Variants in ABI1 observed in about 807,000 individuals in gnomAD.
The protein encoded by ABI1 is abl interactor 1.
In ABI1, 14 loss-of-function variants were observed where a neutral mutation model predicts 54.6. That is an observed-to-expected ratio of 0.26 (90% CI 0.17 to 0.40). ABI1 has a LOEUF of 0.40. Among genes scored for constraint, ABI1 ranks in the 10% least tolerant of loss-of-function variants. The probability of loss-of-function intolerance (pLI) is 1.00; values close to 1 mark genes in which losing one functional copy is unlikely to be tolerated. For synonymous variants in ABI1, 194 were observed against 209.3 expected, an observed-to-expected ratio of 0.93 and a Z score of 0.63; for missense variants, 443 against 598.3, an observed-to-expected ratio of 0.74 and a Z score of 2.71.
At chr10:26,815,970 A>C (rs146955102) in intron 2 of ABI1, among the ~76,000 whole-genome samples, 205 of 152,326 alleles carry the variant, frequency 1.3e-3, no homozygotes, top group African/African-American at 4.5e-3. Context: ...AATCGCACAA[A>C]GCAGAAACTT....
chr10:26,823,308 GA>G lies in ABI1; in HGVS notation c.118-4del. 6.7e-7 allele frequency: 1 copy of G among 1,500,354 alleles called. No individual in the cohort carries two copies. 92.9% of individuals were successfully genotyped at this position (1,500,354 alleles called of 1,614,324 possible). On this transcript the variant is annotated splice_polypyrimidine_tract_variant and splice_region_variant and intron_variant, in intron 1 of 10. Transcript: ENST00000376140. ...AAAGCTTTTCTCTTGTCTGTAGCCT[GA>G]AATAAGAACAAAAACAACAAATACT...
chr10:26,765,438 T>C, intron 6 of ABI1, 120 bp from the exon 7 acceptor site: 1 of 738,606 alleles, frequency 1.4e-6, no homozygotes. Flanking sequence ...CTCAGTATCC[T>C]TGGAGGACTG....
At chr10:26,769,803 G>A (rs1413076261) in intron 5 of ABI1, among the ~76,000 whole-genome samples, 1 of 152,150 alleles carries the variant, frequency 6.6e-6, no homozygotes, top group African/African-American at 2.4e-5. Context: ...CTAAAGTAAA[G>A]AGTCCCTAAG....
intron 3 of ABI1, among the ~76,000 whole-genome samples, chr10:26,772,638 T>C (rs1408729011): frequency 6.6e-6 from 1 of 152,218 alleles, no homozygotes; most frequent in Admixed American, 6.5e-5. Context: ...TGCAGATGTG[T>C]CAATGTTGGC....
At chr10:26,805,823 A>G (rs1564522334) in intron 2 of ABI1, among the ~76,000 whole-genome samples, 1 of 152,224 alleles carries the variant, frequency 6.6e-6, no homozygotes. Flanking sequence ...CCCAGCAGAT[A>G]CAAGAAGCAG....
chr10:26,774,344 T>C (rs578217920), intron 3 of ABI1, among the ~76,000 whole-genome samples: 135 of 152,196 alleles, frequency 8.9e-4, no homozygotes, highest in Non-Finnish European at 1.8e-3. Context: ...ATATGAAAAG[T>C]CCTTTGTAAA....
intron 2 of ABI1, among the ~76,000 whole-genome samples, chr10:26,811,544 G>A (rs2047227488): frequency 6.6e-6 from 1 of 152,054 alleles, no homozygotes; most frequent in Admixed American, 6.6e-5. Flanking sequence ...GTTTTGGTTA[G>A]GTATCAGTCT....
chr10:26,817,778 A>T (rs1364567809), intron 2 of ABI1, among the ~76,000 whole-genome samples: 4 of 152,212 alleles, frequency 2.6e-5, no homozygotes, highest in Non-Finnish European at 5.9e-5. Flanking sequence ...ACAAAAGCTG[A>T]AAGAACTCAT....
At chr10:26,794,479 G>C (rs1246090232) in intron 2 of ABI1, among the ~76,000 whole-genome samples, 2 of 151,836 alleles carry the variant, frequency 1.3e-5, no homozygotes, top group Non-Finnish European at 2.9e-5. Flanking sequence ...ACTAAGAGTT[G>C]AGTTCAGGAA....
At chr10:26,759,318 GGGGCCTCA>G (rs1403683937) in intron 7 of ABI1, 80 bp from the exon 8 acceptor site, 1 of 1,179,300 alleles carries the variant, frequency 8.5e-7, no homozygotes, top group African/African-American at 1.5e-5. Context: ...AAAGCAGGAG[GGGGCCTCA>G]GTAAGAAATA....
Position 26,819,168 on chromosome 10 carries a change from A to G in ABI1, c.285+3970T>C, listed in dbSNP as rs544784208. On this transcript the variant is annotated intron_variant, in intron 2 of 10. Coordinates refer to ENST00000376140, the MANE Select transcript of ABI1 (RefSeq NM_001012750.3). ...GCCCTAAGGCAAACATGAATGAAAT[A>G]ATAAAAGAGAGAAGCAGAACAAAGT... 2.0e-5 allele frequency among the ~76,000 whole-genome samples: 3 copies of G among 152,326 alleles called. No individual in the cohort carries two copies. The South Asian group carries it at 6.2e-4, about 32-fold the overall frequency.
chr10:26,781,654 C>A (rs1842123878), intron 2 of ABI1, among the ~76,000 whole-genome samples: 1 of 152,222 alleles, frequency 6.6e-6, no homozygotes, highest in Non-Finnish European at 1.5e-5. Flanking sequence ...TACTGACTAT[C>A]AGGCTATTAC....
At chr10:26,831,316 G>A (rs2048656994) in intron 1 of ABI1, among the ~76,000 whole-genome samples, 1 of 152,130 alleles carries the variant, frequency 6.6e-6, no homozygotes, top group Non-Finnish European at 1.5e-5. Flanking sequence ...GCCCAGGCAG[G>A]TGGATGGCTT....
At chr10:26,800,540 G>A (rs567005162) in intron 2 of ABI1, among the ~76,000 whole-genome samples, 277 of 152,306 alleles carry the variant, frequency 1.8e-3, no homozygotes, top group African/African-American at 6.5e-3. Flanking sequence ...TACTTTGGTA[G>A]GCCAAGGTGG....
chr10:26,750,801 T>C (rs1264381270), intron 10 of ABI1, among the ~76,000 whole-genome samples: 1 of 152,218 alleles, frequency 6.6e-6, no homozygotes, highest in African/African-American at 2.4e-5. Context: ...AAACAGGATT[T>C]GTTTCTTCCC....
At chr10:26,839,737 G>C in intron 1 of ABI1, 2 of 700,868 alleles carry the variant, frequency 2.9e-6, no homozygotes, top group Non-Finnish European at 2.6e-6. Context: ...GATTACCTGA[G>C]GCCAGGAGTT....
intron 5 of ABI1, among the ~76,000 whole-genome samples, chr10:26,769,201 G>A (rs1358550345): frequency 6.6e-6 from 1 of 151,826 alleles, no homozygotes; most frequent in Non-Finnish European, 1.5e-5. Flanking sequence ...CCTTTTCCTA[G>A]GAAAAACATA....
intron 3 of ABI1, among the ~76,000 whole-genome samples, chr10:26,775,474 T>TA (rs1183395832): frequency 2.6e-5 from 4 of 151,366 alleles, no homozygotes; most frequent in South Asian, 2.1e-4. Flanking sequence ...CTCACCACAA[T>TA]AAAAAAATCT....
chr10:26,807,476 C>T (rs569282586), intron 2 of ABI1, among the ~76,000 whole-genome samples: 4 of 151,708 alleles, frequency 2.6e-5, no homozygotes, highest in East Asian at 1.9e-4. Flanking sequence ...GAGTGAGACC[C>T]GGCCTCAAAA....
Sources: gnomAD v4.1 joint callset for allele counts (sites outside exome capture counted in the v4.1 genomes callset) on GRCh38, gnomAD v4.1.1 for gene constraint, MANE v1.5 for transcripts, NCBI Gene and HGNC (gene_info 2026-07-23, HGNC 2026-07-21) for gene names.